NBPF11: variants seen among roughly 807,000 people sequenced by gnomAD.
NBPF11 encodes the protein NBPF member 11.
A neutral mutation model predicts 93.9 loss-of-function variants in NBPF11; 72 were observed. The ratio of observed to expected loss-of-function variants is 0.77; its 90% CI spans 0.63 to 0.93. NBPF11 has a LOEUF of 0.93. NBPF11 is among the 40% of genes least tolerant of loss of function. The pLI is 0.00. For missense variants in NBPF11, 705 were observed against 802.2 expected (o/e 0.88, Z 1.46); for synonymous variants, 224 against 304.9 (o/e 0.73, Z 2.76).
At chr1:148,135,252 T>C (rs1486487660) in intron 4 of NBPF11, 2 of 151,232 alleles carry the variant, frequency 1.3e-5, no homozygotes, top group African/African-American at 6.6e-5. Flanking sequence ...ACATTCCTGG[T>C]GGTATTTCAG....
intron 23 of NBPF11, 134 bp from the exon 24 acceptor site, chr1:148,104,046 A>G (rs1662930768): frequency 1.9e-6 from 3 of 1,577,280 alleles, no homozygotes; most frequent in African/African-American, 1.4e-5. Flanking sequence ...GTAACAAATT[A>G]TTGCCTTTAT....
At chr1:148,128,984 C>T (rs1464704710) in intron 4 of NBPF11, among the ~76,000 whole-genome samples, 1 of 148,220 alleles carries the variant, frequency 6.7e-6, no homozygotes, top group Non-Finnish European at 1.5e-5. Context: ...GAACATCACA[C>T]ACCAGGGCCT....
rs1489128470 is a variant in NBPF11 at position 148,120,731 on chromosome 1, C to T, written c.779-21G>A. 4.8e-6 allele frequency: 7 copies of T among 1,462,278 alleles called. No individual in the cohort carries two copies. The East Asian group carries it at 1.6e-4, about 33-fold the overall frequency. The allele number at this position is 1,462,278 out of a possible 1,614,324, so 90.6% of individuals were successfully genotyped here. A position where few individuals can be genotyped will look rare whatever the true frequency, so the allele number is the denominator to read the frequency against. The stretch of plus-strand genomic sequence containing the variant: ...AGGGACTGGGGAGAAGAAAGGCAAA[C>T]ATATGATGGGTTAAAAACTGGTGAA... On this transcript the variant is annotated intron_variant, in intron 9 of 23. Transcript: ENST00000682118.
At chr1:148,128,982 C>T (rs1302536943) in intron 4 of NBPF11, among the ~76,000 whole-genome samples, 1 of 147,996 alleles carries the variant, frequency 6.8e-6, no homozygotes, top group Non-Finnish European at 1.5e-5. Context: ...GGGAACATCA[C>T]ACACCAGGGC....
rs781986292 is a variant in NBPF11 at position 148,124,940 on chromosome 1, C to T, written c.237G>A (p.Glu79=). Residue 79 remains glutamate (E), a synonymous_variant, in exon 6 of 24, where the codon GAG becomes GAA. Coordinates refer to ENST00000682118, the MANE Select transcript of NBPF11 (RefSeq NM_001385469.3). The part of the protein sequence containing the change: ...FMLRNERQFK[E]EKLAEQLKQA... ...GCTTGAGCTGCTCTGCAAGCTTCTC[C>T]TCCTTGAACTGTCGCTCATTCCTCA... The T allele has an allele frequency of 2.7e-5, 43 of 1,609,878 alleles. No homozygotes were observed. Among genetic ancestry groups the T allele is most frequent in the Admixed American group, 3.3e-5 (2 of 60,010 alleles).
rs1662776762 is a variant in NBPF11 at position 148,103,547 on chromosome 1, G to C, written c.*349C>G. ...GGCATGCTCTGAGAATAGGAATAGA[G>C]CCATGCCCACTGACCCATCCTATGT... On this transcript the variant is annotated 3_prime_UTR_variant, in exon 24 of 24. Coordinates refer to ENST00000682118, the MANE Select transcript of NBPF11 (RefSeq NM_001385469.3). The C allele has an allele frequency of 2.6e-6, 4 of 1,554,948 alleles. No homozygotes were observed. Among genetic ancestry groups the C allele is most frequent in the Middle Eastern group, 2.4e-4 (1 of 4,222 alleles).
At chr1:148,104,281 A>C (rs1233589478) in intron 23 of NBPF11, among the ~76,000 whole-genome samples, 8 of 145,302 alleles carry the variant, frequency 5.5e-5, no homozygotes, top group Non-Finnish European at 8.9e-5. Context: ...TTTCCATAAA[A>C]TATGCTCAAA....
At chr1:148,106,666 G>A (rs1433512599) in intron 20 of NBPF11, among the ~76,000 whole-genome samples, 2 of 147,072 alleles carry the variant, frequency 1.4e-5, no homozygotes, top group African/African-American at 5.2e-5. Flanking sequence ...TCATAGTTCT[G>A]TGAATTTTTT....
intron 23 of NBPF11, among the ~76,000 whole-genome samples, 194 bp downstream of exon 23, chr1:148,104,343 G>A (rs1333729143): frequency 1.4e-5 from 2 of 146,378 alleles, no homozygotes; most frequent in Admixed American, 6.8e-5. Flanking sequence ...GTCCACCTAT[G>A]GTACGTTAGT....
At chr1:148,145,607 G>GT (rs1672871741) in intron 1 of NBPF11, among the ~76,000 whole-genome samples, 1 of 151,660 alleles carries the variant, frequency 6.6e-6, no homozygotes. Flanking sequence ...CTGGCCGGGT[G>GT]CGGTAGCTCA....
rs1473884554 is a variant in NBPF11 at position 148,146,847 on chromosome 1, T to C, written c.-548-3161A>G. 4,773 of 1,613,760 alleles carry C rather than the reference T, an allele frequency of 3.0e-3. 20 individuals carry two copies. Among genetic ancestry groups the C allele is most frequent in the Non-Finnish European group, 3.5e-3 (4,086 of 1,179,984 alleles). ...TCACCTACGACTCCTCCGGCTACGG[T>C]GCCAGCTCGGGCAGGCCTTCCGAGA... On this transcript the variant is annotated intron_variant, in intron 1 of 23. Coordinates refer to ENST00000682118, the MANE Select transcript of NBPF11 (RefSeq NM_001385469.3).
intron 2 of NBPF11, among the ~76,000 whole-genome samples, chr1:148,140,665 T>C (rs1346106506): frequency 6.7e-6 from 1 of 150,138 alleles, no homozygotes; most frequent in East Asian, 1.9e-4. Context: ...ATGCTCAAAA[T>C]CATTTGTGAG....
intron 4 of NBPF11, among the ~76,000 whole-genome samples, chr1:148,133,000 T>A (rs1257537448): frequency 6.7e-6 from 1 of 148,664 alleles, no homozygotes; most frequent in Non-Finnish European, 1.5e-5. Flanking sequence ...TCTGCCCACC[T>A]CGGCTTCCCA....
At chr1:148,140,990 A>G (rs1436225403) in intron 2 of NBPF11, among the ~76,000 whole-genome samples, 3 of 152,068 alleles carry the variant, frequency 2.0e-5, no homozygotes, top group East Asian at 1.9e-4. Context: ...AAAACAAGCT[A>G]TCAAGTCATG....
rs1284308553 is a variant in NBPF11, at chr1:148,122,735, G to A, written c.560C>T (p.Ala187Val). ...CCTGAGTATTCAATGTTACCTGGGG[G>A]CAGATGATTCCAGTACTTTCTCATC... is the stretch of plus-strand genomic sequence containing the variant. ...EEDEKVLESS[A>V]PREVQKAEES... Residue 187 changes from alanine to valine, a missense_variant, in exon 8 of 24, where the codon GCC becomes GTC. By Grantham distance (64) the Ala-to-Val change is moderately conservative (BLOSUM62 0). Around this residue, in one of 12 missense-constraint regions of NBPF11, gnomAD observed 262 missense variants for 223.1 expected, o/e 1.17. Transcript: ENST00000682118. 6.8e-6 allele frequency: 11 copies of A among 1,609,512 alleles called. No individual in the cohort carries two copies. The highest frequency in any genetic ancestry group is 2.7e-5 in the African/African-American group (2 of 74,656).
rs1413262840 is a variant in NBPF11, at chr1:148,129,027, T to C, written c.-35-1989A>G. Among the ~76,000 whole-genome samples, 209 of 148,186 alleles carry C rather than the reference T, an allele frequency of 1.4e-3. 2 individuals are homozygous for C. The highest frequency in any genetic ancestry group is 5.1e-3 in the African/African-American group (200 of 39,348). The stretch of plus-strand genomic sequence containing the variant: ...GGTGAGGGCTGGGGGAGGGATAGCA[T>C]TAGGATATATACCTGGTGTAAATGA... On this transcript the variant is annotated intron_variant, in intron 4 of 23. Transcript: ENST00000682118.
At chr1:148,147,031 G>C in intron 1 of NBPF11, 2 of 1,135,006 alleles carry the variant, frequency 1.8e-6, no homozygotes, top group South Asian at 3.0e-5. Flanking sequence ...CTGCAGGAGG[G>C]GAGCCACAGT....
chr1:148,146,772 G>A, intron 1 of NBPF11: 1 of 1,613,246 alleles, frequency 6.2e-7, no homozygotes, highest in African/African-American at 1.3e-5. Context: ...ACCTGGGCCA[G>A]ATGAGCAGCT....
intron 3 of NBPF11, among the ~76,000 whole-genome samples, chr1:148,136,452 C>T (rs1255359872): frequency 2.6e-5 from 4 of 151,014 alleles, no homozygotes; most frequent in African/African-American, 9.9e-5. Context: ...TTTTGACACA[C>T]AAAACAACAT....
Sources: allele counts gnomAD v4.1 joint callset (sites outside exome capture counted in the v4.1 genomes callset), GRCh38; gene constraint gnomAD v4.1.1; regional missense constraint gnomAD v4.1.1; transcripts MANE v1.5; gene names NCBI Gene and HGNC (gene_info 2026-07-23, HGNC 2026-07-21).